The following PTPRR variants were observed in gnomAD, a reference collection of about 807,000 sequenced individuals.
PTPRR encodes the protein receptor-type tyrosine-protein phosphatase R.
PTPRR carries 38 observed loss-of-function variants against 77.2 expected under a neutral mutation model. The observed-to-expected ratio is 0.49, with a 90% CI of 0.38 to 0.65. PTPRR has a LOEUF of 0.65. PTPRR is among the 30% of genes least tolerant of loss of function. The pLI, the probability that PTPRR is intolerant of heterozygous loss-of-function variation, is 0.00. For missense variants in PTPRR, 744 were observed against 799.2 expected, an observed-to-expected ratio of 0.93 and a Z score of 0.83; for synonymous variants, 299 against 283.1, an observed-to-expected ratio of 1.06 and a Z score of -0.57.
chr12:70,865,877 G>C (rs868466595), intron 2 of PTPRR, among the ~76,000 whole-genome samples: 1 of 151,978 alleles, frequency 6.6e-6, no homozygotes, highest in Non-Finnish European at 1.5e-5. Flanking sequence ...AAGCCATGAC[G>C]CAACCACCTC....
chr12:70,919,161 C>A (rs1019337618), intron 1 of PTPRR, among the ~76,000 whole-genome samples: 4 of 152,028 alleles, frequency 2.6e-5, no homozygotes. Flanking sequence ...TAAAATTCAC[C>A]CACTCTTTTA....
At position 70,788,820 on chromosome 12, in the gene PTPRR, T is replaced by C. The variant is rs1446176649; in HGVS notation, c.358-24042A>G. 4 of 1,520,746 alleles carry C rather than the reference T, an allele frequency of 2.6e-6. No individual in the cohort carries two copies. The African/African-American group carries it at 5.5e-5, about 21-fold the overall frequency. 94.2% of individuals were successfully genotyped at this position (1,520,746 alleles called of 1,614,324 possible). On this transcript the variant is annotated intron_variant, in intron 2 of 13. Transcript: ENST00000283228. Reference sequence around the variant, plus strand: ...TATCATGAGAGATTATCTCACCTGTTTGGAAATTGACTGCATGTTGTGATG... The same window carrying C: ...TATCATGAGAGATTATCTCACCTGTCTGGAAATTGACTGCATGTTGTGATG...
At chr12:70,782,619 C>T (rs1891227162) in intron 2 of PTPRR, among the ~76,000 whole-genome samples, 1 of 151,498 alleles carries the variant, frequency 6.6e-6, no homozygotes, top group African/African-American at 2.4e-5. Context: ...TGTTCTCACT[C>T]ATAGTGGGAA....
intron 6 of PTPRR, among the ~76,000 whole-genome samples, chr12:70,716,844 C>T (rs922994655): frequency 6.6e-6 from 1 of 152,144 alleles, no homozygotes; most frequent in Admixed American, 6.5e-5. Context: ...AAGTCCCTGT[C>T]CCATAAAATA....
chr12:70,755,953 G>T (rs1317773778), intron 4 of PTPRR, among the ~76,000 whole-genome samples: 1 of 151,982 alleles, frequency 6.6e-6, no homozygotes, highest in Non-Finnish European at 1.5e-5. Flanking sequence ...TTTTTTACAG[G>T]CAACAAAATA....
At chr12:70,882,235 T>G (rs10506613) in intron 2 of PTPRR, among the ~76,000 whole-genome samples, 1 of 152,148 alleles carries the variant, frequency 6.6e-6, no homozygotes, top group African/African-American at 2.4e-5. Context: ...ATATTTACAC[T>G]GGCTTAGCCC....
rs562210759 is a variant in PTPRR at position 70,880,376 on chromosome 12, ATTC to A, written c.357+12300_357+12302del. On this transcript the variant is annotated intron_variant, in intron 2 of 13. Coordinates refer to ENST00000283228, the MANE Select transcript of PTPRR (RefSeq NM_002849.4). ...ACACAGTTCTACTGACTCCATAGTT[ATTC>A]TTCTACCACACAGCTTCTAATTATA... is the stretch of plus-strand genomic sequence containing the variant. 2.6e-4 allele frequency among the ~76,000 whole-genome samples: 39 copies of A among 152,192 alleles called. 1 individual carries two copies. Among genetic ancestry groups the A allele is most frequent in the Non-Finnish European group, 5.4e-4 (37 of 68,014 alleles).
At chr12:70,685,473 C>CAAAAAAAAAAAA (rs61205959) in intron 8 of PTPRR, among the ~76,000 whole-genome samples, 26 of 60,978 alleles carry the variant, frequency 4.3e-4, no homozygotes, top group South Asian at 2.8e-3. Context: ...GACTTCATCT[C>CAAAAAAAAAAAA]AAAAAAAAAA....
At chr12:70,684,946 G>T (rs1326975355) in intron 8 of PTPRR, 163 bp from the exon 9 acceptor site, 1 of 489,502 alleles carries the variant, frequency 2.0e-6, no homozygotes, top group African/African-American at 2.0e-5. Flanking sequence ...GTTTATTGAG[G>T]GACATTTGGG....
chr12:70,716,469 G>A (rs11178376), intron 6 of PTPRR, among the ~76,000 whole-genome samples: 46,873 of 151,868 alleles, frequency 0.31, 7,626 homozygotes, highest in South Asian at 0.49. Flanking sequence ...CAAGATAAAT[G>A]TACTTTTTTT....
intron 2 of PTPRR, among the ~76,000 whole-genome samples, chr12:70,787,402 T>A (rs914674975): frequency 6.6e-6 from 1 of 152,204 alleles, no homozygotes. Context: ...TTTTTAAAAT[T>A]AACTTGAAGA....
chr12:70,907,893 A>G (rs1206373406), intron 1 of PTPRR, among the ~76,000 whole-genome samples: 3 of 152,228 alleles, frequency 2.0e-5, no homozygotes, highest in African/African-American at 4.8e-5. Flanking sequence ...CCCTCTGGGA[A>G]AAGGCAGAAA....
intron 6 of PTPRR, among the ~76,000 whole-genome samples, chr12:70,742,666 A>T (rs1431436516): frequency 6.6e-6 from 1 of 152,228 alleles, no homozygotes; most frequent in Admixed American, 6.5e-5. Flanking sequence ...TTAGAAAACC[A>T]GTTTAAGAGG....
intron 6 of PTPRR, among the ~76,000 whole-genome samples, chr12:70,721,862 C>T (rs1314921931): frequency 6.6e-6 from 1 of 152,122 alleles, no homozygotes; most frequent in Non-Finnish European, 1.5e-5. Flanking sequence ...TTGGAACTGG[C>T]AGGTCAGTGA....
At chr12:70,818,648 T>A (rs774804000) in intron 2 of PTPRR, among the ~76,000 whole-genome samples, 13 of 152,230 alleles carry the variant, frequency 8.5e-5, no homozygotes, top group Non-Finnish European at 1.5e-4. Flanking sequence ...ATAGTTGTCA[T>A]GTTGCCTTAG....
At chr12:70,895,209 T>C (rs1024965081) in intron 1 of PTPRR, among the ~76,000 whole-genome samples, 5 of 151,546 alleles carry the variant, frequency 3.3e-5, no homozygotes, top group Non-Finnish European at 7.4e-5. Flanking sequence ...TCTCTATAAA[T>C]AGTAAATAAA....
intron 13 of PTPRR, among the ~76,000 whole-genome samples, chr12:70,646,060 A>G (rs1886188157): frequency 1.3e-5 from 2 of 152,214 alleles, no homozygotes; most frequent in Admixed American, 6.5e-5. Flanking sequence ...TGGGCTAACA[A>G]TGAAACTTAT....
At chr12:70,905,836 T>C (rs1409115336) in intron 1 of PTPRR, among the ~76,000 whole-genome samples, 2 of 151,920 alleles carry the variant, frequency 1.3e-5, no homozygotes, top group East Asian at 1.9e-4. Context: ...CTTGAAAAAG[T>C]GAACAATCAA....
At chr12:70,777,282 C>T (rs2136992881) in intron 2 of PTPRR, among the ~76,000 whole-genome samples, 1 of 151,812 alleles carries the variant, frequency 6.6e-6, no homozygotes, top group South Asian at 2.1e-4. Flanking sequence ...TATTGCTTTG[C>T]TATTTTATGT....
Sources: gnomAD v4.1 joint callset for allele counts (sites outside exome capture counted in the v4.1 genomes callset) on GRCh38, gnomAD v4.1.1 for gene constraint, MANE v1.5 for transcripts, NCBI Gene and HGNC (gene_info 2026-07-23, HGNC 2026-07-21) for gene names.